ANKRD12: variants seen among roughly 807,000 people sequenced by gnomAD.
ANKRD12 encodes the protein ankyrin repeat domain 12, also known as ankyrin repeat domain-containing protein 12.
In ANKRD12, 85 loss-of-function variants were observed where a neutral mutation model predicts 183.4. The ratio of observed to expected loss-of-function variants is 0.46; its 90% CI spans 0.39 to 0.56. The LOEUF (loss-of-function observed/expected upper bound fraction) is 0.56. Ranked by LOEUF, ANKRD12 falls within the 20% of genes least tolerant of loss-of-function variation. ANKRD12 has a pLI of 0.00. For missense variants in ANKRD12, 2,405 were observed against 2,357.1 expected (o/e 1.02, Z -0.42); for synonymous variants, 914 against 800.2 (o/e 1.14, Z -2.40).
At chr18:9,157,550 G>GGTGTGTATGTGTATGTGTGT (rs1555707774) in intron 1 of ANKRD12, among the ~76,000 whole-genome samples, 1 of 114,598 alleles carries the variant, frequency 8.7e-6, no homozygotes, top group African/African-American at 4.0e-5. Flanking sequence ...GGTGTGTGTG[G>GGTGTGTATGTGTATGTGTGT]GTGTGTGTGT....
At chr18:9,151,610 C>T (rs564839075) in intron 1 of ANKRD12, among the ~76,000 whole-genome samples, 62 of 152,232 alleles carry the variant, frequency 4.1e-4, no homozygotes, top group African/African-American at 1.3e-3. Context: ...ACTGAATGAC[C>T]CTTAAGGACC....
chr18:9,195,039 A>G (rs1183412501), intron 2 of ANKRD12, among the ~76,000 whole-genome samples: 2 of 152,222 alleles, frequency 1.3e-5, no homozygotes, highest in African/African-American at 2.4e-5. Flanking sequence ...GCACAGCAAC[A>G]TGGATGGAGC....
At chr18:9,188,190 C>G (rs180822560) in intron 2 of ANKRD12, among the ~76,000 whole-genome samples, 85 of 152,304 alleles carry the variant, frequency 5.6e-4, no homozygotes, top group African/African-American at 1.6e-3. Flanking sequence ...CCCTGAGCCT[C>G]GCTTCTCACA....
chr18:9,279,056 C>T (rs1178065289), intron 11 of ANKRD12, among the ~76,000 whole-genome samples: 1 of 151,922 alleles, frequency 6.6e-6, no homozygotes, highest in East Asian at 1.9e-4. Flanking sequence ...TCTGTTAATT[C>T]CAAAACTGGT....
At chr18:9,158,834 T>TAGTTCTTA (rs1250248740) in intron 1 of ANKRD12, among the ~76,000 whole-genome samples, 3 of 152,210 alleles carry the variant, frequency 2.0e-5, no homozygotes, top group Non-Finnish European at 4.4e-5. Context: ...CTCTCTCATT[T>TAGTTCTTA]AGTTCTTAAT....
At chr18:9,220,131 T>A (rs907248622) in intron 7 of ANKRD12, among the ~76,000 whole-genome samples, 1 of 152,246 alleles carries the variant, frequency 6.6e-6, no homozygotes, top group African/African-American at 2.4e-5. Flanking sequence ...TCATTGTGAA[T>A]CATTCTTAAA....
At chr18:9,140,477 C>T (rs1303049766) in intron 1 of ANKRD12, among the ~76,000 whole-genome samples, 4 of 152,152 alleles carry the variant, frequency 2.6e-5, no homozygotes, top group Admixed American at 6.5e-5. Context: ...GTTTCTTTAG[C>T]CTTTGAAAAT....
In ANKRD12 at chr18:9,257,953, A is replaced by G. The variant is rs1266585717; in HGVS notation, c.4686A>G (p.Pro1562=). Residue 1562 remains proline, a synonymous_variant, in exon 9 of 13, where the codon CCA becomes CCG. Coordinates refer to ENST00000262126, the MANE Select transcript of ANKRD12 (RefSeq NM_015208.5). ...GDVQKTDAFV[P]VYSDSTIQEA... ...TTCAAAAAACAGATGCCTTTGTCCC[A>G]GTGTACTCTGACAGCACTATTCAAG... 8 of 1,613,896 alleles carry G rather than the reference A, an allele frequency of 5.0e-6. No homozygotes were observed. Among genetic ancestry groups the G allele is most frequent in the Non-Finnish European group, 6.8e-6 (8 of 1,179,984 alleles).
chr18:9,237,905 TGCCCTG>T (rs1317157155), intron 8 of ANKRD12, among the ~76,000 whole-genome samples: 4 of 152,166 alleles, frequency 2.6e-5, no homozygotes, highest in African/African-American at 9.7e-5. Flanking sequence ...AATCTTCTCC[TGCCCTG>T]CATCCCCGTT....
At chr18:9,143,522 A>G (rs1390389297) in intron 1 of ANKRD12, among the ~76,000 whole-genome samples, 1 of 152,134 alleles carries the variant, frequency 6.6e-6, no homozygotes, top group Non-Finnish European at 1.5e-5. Context: ...GTGTAAAGGC[A>G]TGATCTTGGC....
At chr18:9,278,063 A>T (rs2039937727) in intron 11 of ANKRD12, among the ~76,000 whole-genome samples, 1 of 152,230 alleles carries the variant, frequency 6.6e-6, no homozygotes. Context: ...CATTGTGCAC[A>T]CATTACCTGT....
chr18:9,245,859 G>A (rs1351486379), intron 8 of ANKRD12, among the ~76,000 whole-genome samples: 5 of 152,166 alleles, frequency 3.3e-5, no homozygotes, highest in Admixed American at 6.5e-5. Context: ...ACAAAGTATG[G>A]CATCATTTTA....
chr18:9,256,799 T>A lies in ANKRD12; in HGVS notation c.3532T>A (p.Ser1178Thr). ...CAAAAATGTAATGACTTTAGGGAAG[T>A]CATCTTTTGTTTCAGATAATAGCTT... ...DTKNVMTLGK[S>T]SFVSDNSLNR... The change falls in exon 9 of 13, where the codon TCA becomes ACA. Residue 1178 changes from serine to threonine, a missense_variant. Around this residue, in one of 7 missense-constraint regions of ANKRD12, gnomAD observed 1,983 missense variants for 1,725.9 expected, o/e 1.15. Transcript: ENST00000262126. 1 of 1,613,966 alleles carries A rather than the reference T, an allele frequency of 6.2e-7. No individual in the cohort carries two copies. Among genetic ancestry groups the A allele is most frequent in the Non-Finnish European group, 8.5e-7 (1 of 1,179,942 alleles).
At chr18:9,200,010 G>A (rs1438567783) in intron 3 of ANKRD12, among the ~76,000 whole-genome samples, 1 of 152,156 alleles carries the variant, frequency 6.6e-6, no homozygotes, top group Non-Finnish European at 1.5e-5. Context: ...TTTAAAAGAG[G>A]TATTCATAGC....
chr18:9,269,491 A>G (rs2039481397), intron 10 of ANKRD12, among the ~76,000 whole-genome samples: 1 of 152,236 alleles, frequency 6.6e-6, no homozygotes, highest in African/African-American at 2.4e-5. Flanking sequence ...CTGATCTTTG[A>G]CAAACCTGAC....
At chr18:9,236,174 T>G (rs2037334328) in intron 8 of ANKRD12, among the ~76,000 whole-genome samples, 1 of 151,930 alleles carries the variant, frequency 6.6e-6, no homozygotes, top group African/African-American at 2.4e-5. Context: ...AATATAACAA[T>G]GGTAAAGGAT....
At chr18:9,224,949 CT>C (rs1202061607) in intron 8 of ANKRD12, among the ~76,000 whole-genome samples, 1 of 152,048 alleles carries the variant, frequency 6.6e-6, no homozygotes, top group Non-Finnish European at 1.5e-5. Context: ...ATTAAAAAGT[CT>C]TGTGGGCTGG....
chr18:9,180,829 A>AAAAT lies in ANKRD12; in HGVS notation c.-51-1551_-51-1548dup, dbSNP rs2033648332. ...ATATTGCCCTGTAGAATTTTCTCAA[A>AAAAT]AAATATTTGACACTCCTTTAGTTCA... is the stretch of plus-strand genomic sequence containing the variant. On this transcript the variant is annotated intron_variant, in intron 1 of 12. Transcript: ENST00000262126. 7.2e-5 allele frequency among the ~76,000 whole-genome samples: 11 copies of AAAAT among 152,206 alleles called. No individual in the cohort carries two copies. The South Asian group carries it at 2.3e-3, about 32-fold the overall frequency.
chr18:9,231,363 A>G (rs1055587633), intron 8 of ANKRD12, among the ~76,000 whole-genome samples: 1 of 151,868 alleles, frequency 6.6e-6, no homozygotes, highest in East Asian at 1.9e-4. Flanking sequence ...CCCCGTTACT[A>G]TTGTATTGGA....
Sources: allele counts gnomAD v4.1 joint callset (sites outside exome capture counted in the v4.1 genomes callset), GRCh38; gene constraint gnomAD v4.1.1; regional missense constraint gnomAD v4.1.1; transcripts MANE v1.5; gene names NCBI Gene and HGNC (gene_info 2026-07-23, HGNC 2026-07-21).